CUBN: variants seen among roughly 807,000 people sequenced by gnomAD.
CUBN encodes cubilin.
A neutral mutation model predicts 405.3 loss-of-function variants in CUBN; 282 were observed. That is an observed-to-expected ratio of 0.70 (90% CI 0.63 to 0.77). CUBN has a LOEUF of 0.77. Among genes scored for constraint, CUBN ranks in the 30% least tolerant of loss-of-function variants. CUBN has a pLI of 0.00. For missense variants in CUBN, 4,514 were observed against 4,475.2 expected, an observed-to-expected ratio of 1.01 and a Z score of -0.25; for synonymous variants, 1,684 against 1,617.0, an observed-to-expected ratio of 1.04 and a Z score of -0.99.
chr10:17,001,031 T>C (rs1833864019), intron 28 of CUBN, among the ~76,000 whole-genome samples: 1 of 152,150 alleles, frequency 6.6e-6, no homozygotes, highest in Non-Finnish European at 1.5e-5. Context: ...TTCTTCCTTC[T>C]GGTGCGTTCG....
chr10:16,836,367 T>G lies in CUBN; in HGVS notation c.10048A>C (p.Arg3350=), dbSNP rs1839169017. The change falls in exon 63 of 67, where the codon AGA becomes CGA. Residue 3350 remains arginine, a synonymous_variant. Coordinates refer to ENST00000377833, the MANE Select transcript of CUBN (RefSeq NM_001081.4). ...QDSPQGHGNS[R]FQFCGRNASA... ...GCATTTCTGCCACAGAACTGAAATC[T>G]TGAATTTCCGTGACCCTGAAATGAA... The G allele has an allele frequency of 1.2e-6, 2 of 1,614,172 alleles. No individual in the cohort carries two copies. The highest frequency in any genetic ancestry group is 4.5e-5 in the East Asian group (2 of 44,888).
At chr10:16,920,245 C>G (rs1841998314) in intron 43 of CUBN, 108 bp from the exon 44 acceptor site, 1 of 1,129,056 alleles carries the variant, frequency 8.9e-7, no homozygotes, top group Non-Finnish European at 1.3e-6. Context: ...TCTCCATTTC[C>G]TTTCATCTGT....
At chr10:16,892,090 T>C (rs375474328) in intron 54 of CUBN, among the ~76,000 whole-genome samples, 10 of 152,324 alleles carry the variant, frequency 6.6e-5, no homozygotes, top group Admixed American at 4.6e-4. Flanking sequence ...AACATTTCTA[T>C]TGGGAAATCA....
chr10:16,973,110 G>A (rs1161040271), intron 31 of CUBN, among the ~76,000 whole-genome samples: 5 of 152,338 alleles, frequency 3.3e-5, no homozygotes, highest in Non-Finnish European at 7.4e-5. Flanking sequence ...GAGCTCAGAT[G>A]TCTTCTGTAG....
In CUBN at chr10:16,869,753, A is replaced by G; in HGVS notation, c.9337T>C (p.Cys3113Arg). Reference sequence around the variant, plus strand: ...ACATTTGGTGGGCGCTTGGAACCGCAGAATTTGCCAAGAAGGGGATCGCTG... The same window carrying G: ...ACATTTGGTGGGCGCTTGGAACCGCGGAATTTGCCAAGAAGGGGATCGCTG... ...NTSDPLLGKF[C>R]GSKRPPNVKS... is the part of the protein sequence containing the mutation. Residue 3113 changes from cysteine (C) to arginine (R), a missense_variant, in exon 59 of 67, where the codon TGC becomes CGC. Coordinates refer to ENST00000377833, the MANE Select transcript of CUBN (RefSeq NM_001081.4). 6.2e-7 allele frequency: 1 copy of G among 1,614,154 alleles called. No individual in the cohort carries two copies.
Position 16,982,588 on chromosome 10 carries a change from T to C in CUBN, c.4591A>G (p.Arg1531Gly). The C allele has an allele frequency of 6.2e-7, 1 of 1,613,700 alleles. No homozygotes were observed. ...ACCCAAGAACAGTCTGTGTTGCTCC[T>C]ATAAGGACTGGGGTAATTTGGAGAA... is the stretch of plus-strand genomic sequence containing the variant. ...IHSPNYPSPY[R>G]SNTDCSWVIR... Residue 1531 changes from arginine to glycine, a missense_variant, in exon 31 of 67, where the codon AGG becomes GGG. Transcript: ENST00000377833.
At chr10:17,057,443 T>C (rs894671366) in intron 22 of CUBN, among the ~76,000 whole-genome samples, 1 of 152,134 alleles carries the variant, frequency 6.6e-6, no homozygotes, top group South Asian at 2.1e-4. Context: ...CAGTCTTCCA[T>C]CTGGTCTGGT....
chr10:16,988,397 C>T (rs11254322), intron 29 of CUBN, among the ~76,000 whole-genome samples: 2,782 of 152,236 alleles, frequency 0.018, 95 homozygotes, highest in East Asian at 0.16. Context: ...CCTTGTTTCT[C>T]CTCTGAGATG....
chr10:17,102,977 C>A (rs911091532), intron 13 of CUBN, 148 bp downstream of exon 13: 2 of 659,488 alleles, frequency 3.0e-6, no homozygotes, highest in Non-Finnish European at 5.5e-6. Context: ...TATGTCTAGC[C>A]AAAATAATGG....
chr10:17,022,994 A>T (rs147510770), intron 27 of CUBN, among the ~76,000 whole-genome samples: 123 of 152,312 alleles, frequency 8.1e-4, no homozygotes, highest in African/African-American at 2.9e-3. Flanking sequence ...CATGTTGCGG[A>T]ATTATATTTC....
chr10:16,835,340 T>C (rs566692005), intron 63 of CUBN, 145 bp from the exon 64 acceptor site: 15 of 766,728 alleles, frequency 2.0e-5, no homozygotes, highest in Middle Eastern at 3.5e-4. Flanking sequence ...TTTGAGATAA[T>C]TGAGACCCTG....
chr10:17,016,094 T>C (rs1834320416), intron 28 of CUBN, among the ~76,000 whole-genome samples: 1 of 152,132 alleles, frequency 6.6e-6, no homozygotes, highest in South Asian at 2.1e-4. Flanking sequence ...AATAAACTTA[T>C]CTTTTAGGAT....
At chr10:16,869,164 ATTTT>A (rs72310717) in intron 59 of CUBN, among the ~76,000 whole-genome samples, 1 of 121,166 alleles carries the variant, frequency 8.3e-6, no homozygotes, top group Admixed American at 8.7e-5. Flanking sequence ...TACCAAAGTG[ATTTT>A]TTTTTTTTTT....
At position 17,045,007 on chromosome 10, in the gene CUBN, A is replaced by C. The variant is rs768069460; in HGVS notation, c.3672T>G (p.Ala1224=). 1 of 1,613,752 alleles carries C rather than the reference A, an allele frequency of 6.2e-7. No individual in the cohort carries two copies. Among genetic ancestry groups the C allele is most frequent in the Non-Finnish European group, 8.5e-7 (1 of 1,179,640 alleles). ...AATATGATGGAAACATTATACATAC[A>C]GCCAGGTAATCTAAAGTGCAGTTTG... is the stretch of plus-strand genomic sequence containing the variant. The part of the protein sequence containing the change: ...HHPNCTLDYL[A]VYDGPSSNSH... Residue 1224 remains alanine (A), a splice_region_variant and synonymous_variant, in exon 25 of 67, where the codon GCT becomes GCG. Transcript: ENST00000377833.
At chr10:17,059,492 G>T (rs1835459105) in intron 22 of CUBN, among the ~76,000 whole-genome samples, 1 of 152,096 alleles carries the variant, frequency 6.6e-6, no homozygotes, top group Non-Finnish European at 1.5e-5. Context: ...TTACATTGAG[G>T]CTCAATCTTT....
At chr10:16,983,210 T>C (rs941313362) in intron 30 of CUBN, among the ~76,000 whole-genome samples, 1 of 152,210 alleles carries the variant, frequency 6.6e-6, no homozygotes, top group Non-Finnish European at 1.5e-5. Context: ...TAGAAAACTT[T>C]GGCACTATTT....
intron 66 of CUBN, among the ~76,000 whole-genome samples, chr10:16,828,362 T>C (rs1241226160): frequency 6.6e-6 from 1 of 152,164 alleles, no homozygotes; most frequent in African/African-American, 2.4e-5. Flanking sequence ...GAAAGGCAAG[T>C]TGGAAAACTG....
Position 17,068,371 on chromosome 10 carries a change from T to C in CUBN, c.2792-91A>G. On this transcript the variant is annotated intron_variant, in intron 20 of 66. Transcript: ENST00000377833. ...GCTCTGATAATAACCTCTTCAAAGA[T>C]TAAAAGGAAAAATGTTTCTTAGTTG... 12 of 1,350,144 alleles carry C rather than the reference T, an allele frequency of 8.9e-6. No homozygotes were observed. The South Asian group carries it at 1.2e-4, about 14-fold the overall frequency. 83.6% of individuals were successfully genotyped at this position (1,350,144 alleles called of 1,614,324 possible).
intron 31 of CUBN, among the ~76,000 whole-genome samples, chr10:16,977,189 GT>G: frequency 6.6e-6 from 1 of 152,230 alleles, no homozygotes; most frequent in Non-Finnish European, 1.5e-5. Flanking sequence ...GAAGAGGGCA[GT>G]TCCCCAGCAA....
Sources: allele counts gnomAD v4.1 joint callset (sites outside exome capture counted in the v4.1 genomes callset), GRCh38; gene constraint gnomAD v4.1.1; transcripts MANE v1.5; gene names NCBI Gene and HGNC (gene_info 2026-07-23, HGNC 2026-07-21).